Variants in PIP5K1B observed in about 807,000 individuals in gnomAD.
PIP5K1B encodes phosphatidylinositol-4-phosphate 5-kinase type 1 beta.
In PIP5K1B, 42 loss-of-function variants were observed where a neutral mutation model predicts 67.0. The observed-to-expected ratio is 0.63, with a 90% CI of 0.49 to 0.81. The LOEUF (loss-of-function observed/expected upper bound fraction) is 0.81, where lower values mean the gene tolerates loss of function less well. Among genes scored for constraint, PIP5K1B ranks in the 30% least tolerant of loss-of-function variants. The pLI is 0.00. For missense variants in PIP5K1B, 459 were observed against 646.3 expected (o/e 0.71, Z 3.14); for synonymous variants, 214 against 231.4 (o/e 0.92, Z 0.68).
chr9:68,911,377 TAA>T (rs60001726), intron 8 of PIP5K1B, among the ~76,000 whole-genome samples: 2,905 of 133,308 alleles, frequency 0.022, 41 homozygotes, highest in Non-Finnish European at 0.027. Context: ...CCATCTCAAA[TAA>T]AAAAAAAAAA....
intron 2 of PIP5K1B, among the ~76,000 whole-genome samples, chr9:68,810,852 C>G (rs1833124948): frequency 6.6e-6 from 1 of 152,116 alleles, no homozygotes; most frequent in African/African-American, 2.4e-5. Context: ...ATTGGCTAAC[C>G]TTTTGATTGC....
At chr9:68,925,380 G>A (rs1344849352) in intron 12 of PIP5K1B, among the ~76,000 whole-genome samples, 1 of 152,106 alleles carries the variant, frequency 6.6e-6, no homozygotes. Flanking sequence ...CCAGCCCTTA[G>A]CCAGCATTGT....
At chr9:68,763,273 G>C (rs1830269139) in intron 2 of PIP5K1B, among the ~76,000 whole-genome samples, 1 of 152,114 alleles carries the variant, frequency 6.6e-6, no homozygotes. Flanking sequence ...GCAGATATTT[G>C]AGTATGACTT....
intron 2 of PIP5K1B, among the ~76,000 whole-genome samples, chr9:68,786,940 C>T (rs563412884): frequency 6.6e-6 from 1 of 152,282 alleles, no homozygotes; most frequent in Non-Finnish European, 1.5e-5. Context: ...TCAGTACCAC[C>T]CCCGCATGGA....
chr9:68,978,598 G>A (rs961905327), intron 14 of PIP5K1B, among the ~76,000 whole-genome samples: 8 of 152,056 alleles, frequency 5.3e-5, no homozygotes, highest in Non-Finnish European at 8.8e-5. Flanking sequence ...CTTACTTTTT[G>A]GTTTAAGCCC....
At chr9:68,892,940 G>T (rs1449527195) in intron 7 of PIP5K1B, among the ~76,000 whole-genome samples, 1 of 152,056 alleles carries the variant, frequency 6.6e-6, no homozygotes, top group Non-Finnish European at 1.5e-5. Context: ...GGGTGTGGCG[G>T]CACACACCTG....
Position 68,917,685 on chromosome 9 carries a change from C to G in PIP5K1B, c.909C>G (p.Leu303=), listed in dbSNP as rs1232872720. ...DAKRTGMQKV[L]YSTAMESIQG... is the part of the protein sequence containing the mutation. ...AGCGGACTGGGATGCAGAAGGTTCT[C>G]TACTCAACAGCCATGGAATCTATCC... The change falls in exon 9 of 16, where the codon CTC becomes CTG. Residue 303 remains leucine (L), a synonymous_variant. Transcript: ENST00000265382. The G allele has an allele frequency of 6.2e-7, 1 of 1,614,172 alleles. No individual in the cohort carries two copies. The highest frequency in any genetic ancestry group is 2.2e-5 in the East Asian group (1 of 44,888).
chr9:68,772,728 A>G (rs1002670605), intron 2 of PIP5K1B, among the ~76,000 whole-genome samples: 11 of 152,298 alleles, frequency 7.2e-5, no homozygotes, highest in Non-Finnish European at 1.5e-4. Flanking sequence ...ACCACAGAAA[A>G]TGTATAGCTC....
chr9:68,982,830 G>T (rs940008225), intron 14 of PIP5K1B, among the ~76,000 whole-genome samples: 2 of 151,874 alleles, frequency 1.3e-5, no homozygotes, highest in African/African-American at 4.8e-5. Context: ...GTAGACTATG[G>T]ATGCATTTAT....
chr9:68,878,052 TGTTA>T (rs1392865297), intron 6 of PIP5K1B, among the ~76,000 whole-genome samples: 1 of 150,616 alleles, frequency 6.6e-6, no homozygotes, highest in Non-Finnish European at 1.5e-5. Context: ...TGTGTGTGTG[TGTTA>T]GAGAACACCC....
chr9:68,945,395 C>T (rs1827753999), intron 14 of PIP5K1B, among the ~76,000 whole-genome samples: 1 of 152,178 alleles, frequency 6.6e-6, no homozygotes, highest in Non-Finnish European at 1.5e-5. Context: ...ATCCACCCTG[C>T]TCAGCCTCCC....
Position 68,919,999 on chromosome 9 carries a change from TGA to T in PIP5K1B, c.1116+276_1116+277del, listed in dbSNP as rs200551279. 7.6e-3 allele frequency among the ~76,000 whole-genome samples: 1,151 copies of T among 152,302 alleles called. 6 individuals are homozygous for T. The highest frequency in any genetic ancestry group is 0.013 in the Non-Finnish European group (877 of 68,022). On this transcript the variant is annotated intron_variant, in intron 11 of 15. Coordinates refer to ENST00000265382, the MANE Select transcript of PIP5K1B (RefSeq NM_003558.4). ...ATGTGAAATCCAAAGGACCTAACTT[TGA>T]GAGAGGTCTTTTTTTGTAGGGATGA... is the stretch of plus-strand genomic sequence containing the variant.
At chr9:68,765,800 G>C (rs1041664045) in intron 2 of PIP5K1B, among the ~76,000 whole-genome samples, 30 of 152,162 alleles carry the variant, frequency 2.0e-4, no homozygotes, top group South Asian at 2.1e-4. Context: ...GGTTGAAGTA[G>C]AGGTGGAGAA....
chr9:68,861,063 A>G (rs988516599), intron 4 of PIP5K1B, among the ~76,000 whole-genome samples: 1 of 152,200 alleles, frequency 6.6e-6, no homozygotes, highest in African/African-American at 2.4e-5. Flanking sequence ...CATAATTGTT[A>G]TTATTCATAT....
intron 8 of PIP5K1B, among the ~76,000 whole-genome samples, chr9:68,907,726 G>T (rs1342168343): frequency 6.6e-6 from 1 of 152,220 alleles, no homozygotes; most frequent in Non-Finnish European, 1.5e-5. Context: ...CCTTCCTGCC[G>T]AATTAATTAC....
chr9:68,745,169 C>T (rs1829227624), intron 2 of PIP5K1B, among the ~76,000 whole-genome samples: 1 of 152,176 alleles, frequency 6.6e-6, no homozygotes, highest in African/African-American at 2.4e-5. Context: ...CTCATGCTCT[C>T]CAGGTAGTCC....
At chr9:68,879,004 A>G (rs1188976593) in intron 6 of PIP5K1B, among the ~76,000 whole-genome samples, 1 of 152,220 alleles carries the variant, frequency 6.6e-6, no homozygotes, top group Non-Finnish European at 1.5e-5. Context: ...AGTTTTTATC[A>G]GGAACATTAT....
intron 6 of PIP5K1B, among the ~76,000 whole-genome samples, chr9:68,882,378 T>G (rs1824240856): frequency 6.6e-6 from 1 of 152,242 alleles, no homozygotes; most frequent in African/African-American, 2.4e-5. Flanking sequence ...GATGCTAGTC[T>G]ATGAATAGCC....
chr9:68,794,711 A>G (rs1773433665), intron 2 of PIP5K1B, among the ~76,000 whole-genome samples: 1 of 152,014 alleles, frequency 6.6e-6, no homozygotes, highest in South Asian at 2.1e-4. Context: ...AAAAAAAAAA[A>G]AATAGTTCAT....
Sources: gnomAD v4.1 joint callset for allele counts (sites outside exome capture counted in the v4.1 genomes callset) on GRCh38, gnomAD v4.1.1 for gene constraint, MANE v1.5 for transcripts, NCBI Gene and HGNC (gene_info 2026-07-23, HGNC 2026-07-21) for gene names.